TP63: variants seen among roughly 807,000 people sequenced by gnomAD.
TP63 encodes tumor protein p63, also known as tumor protein 63.
TP63 carries 17 observed loss-of-function variants against 82.8 expected under a neutral mutation model. The ratio of observed to expected loss-of-function variants is 0.21; its 90% CI spans 0.14 to 0.31. TP63 has a LOEUF of 0.31. Ranked by LOEUF, TP63 falls within the 10% of genes least tolerant of loss-of-function variation. TP63 has a pLI of 1.00. For synonymous variants in TP63, 330 were observed against 321.7 expected, an observed-to-expected ratio of 1.03 and a Z score of -0.28; for missense variants, 648 against 895.3, an observed-to-expected ratio of 0.72 and a Z score of 3.52.
intron 5 of TP63, among the ~76,000 whole-genome samples, chr3:189,865,649 G>T (rs1461582011): frequency 6.6e-6 from 1 of 152,106 alleles, no homozygotes; most frequent in Non-Finnish European, 1.5e-5. Context: ...GAATGGATCG[G>T]AATTTAAAAG....
At chr3:189,630,427 G>A (rs563094638), upstream of TP63, among the ~76,000 whole-genome samples, 2 of 152,196 alleles carry the variant, frequency 1.3e-5, no homozygotes, top group South Asian at 2.1e-4. Context: ...TTTGTGTGTA[G>A]ACTTTCCTGA....
chr3:189,668,681 G>A (rs900424309), intron 1 of TP63, among the ~76,000 whole-genome samples: 2 of 152,012 alleles, frequency 1.3e-5, no homozygotes, highest in Non-Finnish European at 2.9e-5. Flanking sequence ...TAATATCCTA[G>A]AAAGACAAGT....
chr3:189,597,349 CTTAATA>C, the TP63 span, among the ~76,000 whole-genome samples: 6 of 152,160 alleles, frequency 3.9e-5, no homozygotes, highest in African/African-American at 1.4e-4. Context: ...ATAAATATGA[CTTAATA>C]TTAATAGGAC....
Position 189,655,432 on chromosome 3 carries a change from C to A in TP63, c.62+23855C>A, listed in dbSNP as rs543982763. Among the ~76,000 whole-genome samples, 8 of 152,242 alleles carry A rather than the reference C, an allele frequency of 5.3e-5. No homozygotes were observed. The South Asian group carries it at 1.2e-3, about 24-fold the overall frequency. ...CTGAGGTCAAGAGTTCGAGGCCAGG[C>A]TGGCCAACATGGCAAAACCCCATCT... On this transcript the variant is annotated intron_variant, in intron 1 of 13. Coordinates refer to ENST00000264731, the MANE Select transcript of TP63 (RefSeq NM_003722.5).
chr3:189,759,801 A>T (rs963254384), intron 3 of TP63, among the ~76,000 whole-genome samples: 1 of 152,186 alleles, frequency 6.6e-6, no homozygotes, highest in Non-Finnish European at 1.5e-5. Flanking sequence ...CTCCATTTTC[A>T]TGCTGCTGAT....
chr3:189,786,702 G>A (rs13321831), intron 3 of TP63, among the ~76,000 whole-genome samples: 13,309 of 151,960 alleles, frequency 0.088, 652 homozygotes, highest in African/African-American at 0.12. Flanking sequence ...TTCAGAGACC[G>A]TGGAGCTTTA....
intron 10 of TP63, chr3:189,881,087 T>A (rs575366861): frequency 1.0e-6 from 1 of 985,410 alleles, no homozygotes; most frequent in East Asian, 1.1e-4. Context: ...AATCTGTGAT[T>A]AATTTGCTTA....
chr3:189,607,209 A>G, the TP63 span, among the ~76,000 whole-genome samples: 1 of 152,232 alleles, frequency 6.6e-6, no homozygotes, highest in African/African-American at 2.4e-5. Flanking sequence ...GACTTAATGC[A>G]ATGTGATATC....
chr3:189,679,748 C>T (rs766746180), intron 1 of TP63, among the ~76,000 whole-genome samples: 9 of 152,112 alleles, frequency 5.9e-5, no homozygotes, highest in Non-Finnish European at 1.2e-4. Flanking sequence ...TTTCTTTCAG[C>T]AGTTCTACAG....
intron 1 of TP63, among the ~76,000 whole-genome samples, chr3:189,706,444 TG>T (rs1213454180): frequency 6.6e-6 from 1 of 151,904 alleles, no homozygotes; most frequent in East Asian, 1.9e-4. Flanking sequence ...TTAGTAGAGA[TG>T]GGGTTTCACC....
intron 1 of TP63, among the ~76,000 whole-genome samples, chr3:189,675,669 G>A (rs913568975): frequency 6.6e-6 from 1 of 152,050 alleles, no homozygotes; most frequent in Non-Finnish European, 1.5e-5. Context: ...TAAATAGATT[G>A]ACATGAACGA....
intron 1 of TP63, among the ~76,000 whole-genome samples, chr3:189,647,535 C>T (rs1324168180): frequency 2.1e-5 from 3 of 146,310 alleles, no homozygotes; most frequent in East Asian, 2.4e-4. Flanking sequence ...ACAGAGGATC[C>T]GTTGATTATA....
chr3:189,841,012 A>T (rs1279626631), intron 4 of TP63, among the ~76,000 whole-genome samples: 1 of 152,036 alleles, frequency 6.6e-6, no homozygotes, highest in Non-Finnish European at 1.5e-5. Context: ...ACATAAGTTT[A>T]TATATATGTA....
chr3:189,806,013 C>A (rs1377228204), intron 3 of TP63, among the ~76,000 whole-genome samples: 1 of 151,542 alleles, frequency 6.6e-6, no homozygotes, highest in Non-Finnish European at 1.5e-5. Context: ...TGTTCAGAAC[C>A]CACCCAATAA....
At chr3:189,847,132 C>T (rs931325599) in intron 4 of TP63, among the ~76,000 whole-genome samples, 10 of 151,544 alleles carry the variant, frequency 6.6e-5, no homozygotes, top group Non-Finnish European at 8.9e-5. Context: ...TTGAGGCGGG[C>T]GGATCACCTG....
At chr3:189,797,776 A>AAGGCT (rs1379916014) in intron 3 of TP63, among the ~76,000 whole-genome samples, 1 of 152,036 alleles carries the variant, frequency 6.6e-6, no homozygotes, top group African/African-American at 2.4e-5. Flanking sequence ...AAATGCTTGA[A>AAGGCT]AGGCTGAAAA....
chr3:189,868,903 C>G (rs977706994), intron 8 of TP63, among the ~76,000 whole-genome samples, 187 bp downstream of exon 8: 1 of 152,142 alleles, frequency 6.6e-6, no homozygotes, highest in Non-Finnish European at 1.5e-5. Context: ...TACAGCTTTA[C>G]AAAAACAAGT....
intron 1 of TP63, among the ~76,000 whole-genome samples, chr3:189,662,261 G>C (rs1275605232): frequency 6.6e-6 from 1 of 152,020 alleles, no homozygotes; most frequent in Non-Finnish European, 1.5e-5. Context: ...TTGGTATGCA[G>C]TGTTTCTGTT....
chr3:189,796,851 T>C (rs879728151), intron 3 of TP63, among the ~76,000 whole-genome samples: 41 of 152,108 alleles, frequency 2.7e-4, no homozygotes, highest in Non-Finnish European at 5.0e-4. Context: ...ATTGATTGCA[T>C]GTTTGATATG....
Sources: gnomAD v4.1 joint callset for allele counts (sites outside exome capture counted in the v4.1 genomes callset) on GRCh38, gnomAD v4.1.1 for gene constraint, MANE v1.5 for transcripts, NCBI Gene and HGNC (gene_info 2026-07-23, HGNC 2026-07-21) for gene names.